PTPRG: variants seen among roughly 807,000 people sequenced by gnomAD.
The protein encoded by PTPRG is protein tyrosine phosphatase receptor type G.
In PTPRG, 102 loss-of-function variants were observed where a neutral mutation model predicts 165.3. The observed-to-expected ratio is 0.62, with a 90% confidence interval of 0.53 to 0.73. The LOEUF is 0.73. PTPRG is among the 30% of genes least tolerant of loss of function. The probability of loss-of-function intolerance (pLI) is 0.00; values close to 1 mark genes in which losing one functional copy is unlikely to be tolerated. For missense variants in PTPRG, 1,866 were observed against 1,861.4 expected, an observed-to-expected ratio of 1.00 and a Z score of -0.05; for synonymous variants, 675 against 669.5, an observed-to-expected ratio of 1.01 and a Z score of -0.13.
chr3:61,761,956 T>A (rs1170629246), intron 2 of PTPRG, among the ~76,000 whole-genome samples: 2 of 152,112 alleles, frequency 1.3e-5, no homozygotes, highest in African/African-American at 4.8e-5. Context: ...TTTAGCAGAG[T>A]GTGCATGCCA....
chr3:61,599,000 AC>A (rs1700774711), intron 1 of PTPRG, among the ~76,000 whole-genome samples: 3 of 152,102 alleles, frequency 2.0e-5, no homozygotes, highest in Non-Finnish European at 4.4e-5. Flanking sequence ...ATCTGCAGTG[AC>A]CCAATTTCAA....
chr3:62,132,803 C>A, intron 6 of PTPRG, 135 bp downstream of exon 6: 1 of 810,906 alleles, frequency 1.2e-6, no homozygotes, highest in Non-Finnish European at 2.1e-6. Flanking sequence ...GGCATTAGAG[C>A]CATTATATGA....
intron 2 of PTPRG, among the ~76,000 whole-genome samples, chr3:61,864,635 T>C (rs981655918): frequency 1.3e-5 from 2 of 152,206 alleles, no homozygotes; most frequent in Non-Finnish European, 2.9e-5. Context: ...TTTTACCTTG[T>C]AGCTATAATT....
At chr3:62,173,316 A>G (rs752118609) in intron 8 of PTPRG, among the ~76,000 whole-genome samples, 1 of 151,854 alleles carries the variant, frequency 6.6e-6, no homozygotes, top group Non-Finnish European at 1.5e-5. Flanking sequence ...GAACCCATGG[A>G]TATAAGTGCC....
chr3:61,789,676 T>G (rs2034814450), intron 2 of PTPRG, among the ~76,000 whole-genome samples: 1 of 152,216 alleles, frequency 6.6e-6, no homozygotes. Flanking sequence ...GATCAATGTG[T>G]CTGTATTTAA....
intron 2 of PTPRG, among the ~76,000 whole-genome samples, chr3:61,950,182 A>G (rs2039866186): frequency 6.6e-6 from 1 of 152,112 alleles, no homozygotes; most frequent in Admixed American, 6.6e-5. Context: ...TCTCTGGGAG[A>G]CAGTTTCCAG....
intron 1 of PTPRG, among the ~76,000 whole-genome samples, chr3:61,655,404 T>G (rs1332988313): frequency 6.6e-6 from 1 of 152,200 alleles, no homozygotes; most frequent in Non-Finnish European, 1.5e-5. Context: ...TCAGTTTCAC[T>G]TATTCTTTTA....
rs1157553152 is a variant in PTPRG at position 62,228,704 on chromosome 3, T to C, written c.2289-2521T>C. Among the ~76,000 whole-genome samples the C allele has an allele frequency of 6.6e-6, 1 of 152,136 alleles. No homozygotes were observed. Among genetic ancestry groups the C allele is most frequent in the African/African-American group, 2.4e-5 (1 of 41,436 alleles). Reference sequence around the variant, plus strand: ...CTGTTAACGGGTAGAATCAGATTCTTTTCTGGAAGATTCTACATGTACAAA... The same window carrying C: ...CTGTTAACGGGTAGAATCAGATTCTCTTCTGGAAGATTCTACATGTACAAA... On this transcript the variant is annotated intron_variant, in intron 13 of 29. Coordinates refer to ENST00000474889, the MANE Select transcript of PTPRG (RefSeq NM_002841.4). The surrounding 1 kb of genome is among the most constrained non-coding windows in gnomAD (Gnocchi z 4.1).
At chr3:62,050,063 C>G (rs1272906094) in intron 4 of PTPRG, among the ~76,000 whole-genome samples, 1 of 152,124 alleles carries the variant, frequency 6.6e-6, no homozygotes, top group African/African-American at 2.4e-5. Flanking sequence ...AGGATAGTGT[C>G]TCTGAGTAGA....
At chr3:62,169,252 T>G (rs1705122924) in intron 8 of PTPRG, among the ~76,000 whole-genome samples, 1 of 152,124 alleles carries the variant, frequency 6.6e-6, no homozygotes, top group Non-Finnish European at 1.5e-5. Flanking sequence ...CTAGCCAGTA[T>G]TTCCCTGTCT....
chr3:62,009,655 G>C (rs1480798029), intron 4 of PTPRG, among the ~76,000 whole-genome samples: 1 of 152,160 alleles, frequency 6.6e-6, no homozygotes, highest in Non-Finnish European at 1.5e-5. Flanking sequence ...GCTCAGGTAA[G>C]AGAATGTGTT....
At chr3:62,178,694 G>A (rs1705530509) in intron 8 of PTPRG, among the ~76,000 whole-genome samples, 1 of 152,214 alleles carries the variant, frequency 6.6e-6, no homozygotes, top group Non-Finnish European at 1.5e-5. Context: ...GATACTGGTA[G>A]CAGACTCCAG....
At chr3:61,819,501 A>G (rs1034415498) in intron 2 of PTPRG, among the ~76,000 whole-genome samples, 1 of 152,194 alleles carries the variant, frequency 6.6e-6, no homozygotes, top group African/African-American at 2.4e-5. Flanking sequence ...AAATTTGTGT[A>G]TCTAGGCAAT....
intron 2 of PTPRG, among the ~76,000 whole-genome samples, chr3:61,974,516 G>T (rs1375789637): frequency 6.6e-6 from 1 of 151,940 alleles, no homozygotes; most frequent in Non-Finnish European, 1.5e-5. Flanking sequence ...TCATGCCGTT[G>T]CACTACAGCC....
intron 1 of PTPRG, among the ~76,000 whole-genome samples, chr3:61,582,038 C>T (rs970385892): frequency 2.6e-5 from 4 of 152,060 alleles, no homozygotes; most frequent in African/African-American, 9.6e-5. Context: ...CGTGATCTCC[C>T]CTCATTGCAA....
intron 1 of PTPRG, among the ~76,000 whole-genome samples, chr3:61,594,235 GA>G: frequency 6.6e-6 from 1 of 152,122 alleles, no homozygotes. Context: ...TAAACACAAA[GA>G]GAGGATGAAA....
At chr3:61,844,948 T>C (rs2036765036) in intron 2 of PTPRG, among the ~76,000 whole-genome samples, 1 of 152,254 alleles carries the variant, frequency 6.6e-6, no homozygotes, top group African/African-American at 2.4e-5. Flanking sequence ...TTTAACTATA[T>C]AAACTAGGGC....
At chr3:62,142,574 A>G (rs1256326503) in intron 6 of PTPRG, among the ~76,000 whole-genome samples, 1 of 152,188 alleles carries the variant, frequency 6.6e-6, no homozygotes, top group Non-Finnish European at 1.5e-5. Flanking sequence ...GGGACACATC[A>G]AGTTCCAAGT....
chr3:62,018,120 AT>A (rs1241917809), intron 4 of PTPRG, among the ~76,000 whole-genome samples: 7 of 152,178 alleles, frequency 4.6e-5, no homozygotes, highest in African/African-American at 1.7e-4. Context: ...TATGCTGAAC[AT>A]TTGGGAGTTT....
Sources: gnomAD v4.1 joint callset for allele counts (sites outside exome capture counted in the v4.1 genomes callset) on GRCh38, gnomAD v4.1.1 for gene constraint, Gnocchi (gnomAD v3.1) non-coding constraint, MANE v1.5 for transcripts, NCBI Gene and HGNC (gene_info 2026-07-23, HGNC 2026-07-21) for gene names.